Variants in NPHP1 observed in about 807,000 individuals in gnomAD.
NPHP1 encodes nephrocystin-1.
Under a neutral mutation model 90.4 loss-of-function variants are expected in NPHP1, and 70 were observed. The ratio of observed to expected loss-of-function variants is 0.77; its 90% CI spans 0.64 to 0.95. The LOEUF (loss-of-function observed/expected upper bound fraction) is 0.95, where lower values mean the gene tolerates loss of function less well. Among genes scored for constraint, NPHP1 ranks in the 40% least tolerant of loss-of-function variants. The pLI is 0.00. For synonymous variants in NPHP1, 256 were observed against 271.7 expected (o/e 0.94, Z 0.57); for missense variants, 764 against 795.9 (o/e 0.96, Z 0.48).
rs572000103 is a variant in NPHP1 at position 110,197,517 on chromosome 2, G to A, written c.143+3904C>T. On this transcript the variant is annotated intron_variant, in intron 2 of 19. Coordinates refer to ENST00000445609, the MANE Select transcript of NPHP1 (RefSeq NM_001128178.3). ...CAGGGTGAGCAGGGGGCCCACGGCT[G>A]CCAGTGTAACATAAAACACGTATAT... Among the ~76,000 whole-genome samples the A allele has an allele frequency of 2.0e-5, 3 of 152,140 alleles. No homozygotes were observed. In the East Asian group the frequency reaches 5.8e-4, roughly 29 times the overall value.
intron 4 of NPHP1, among the ~76,000 whole-genome samples, chr2:110,173,645 C>A (rs1574148096): frequency 6.6e-6 from 1 of 152,144 alleles, no homozygotes; most frequent in Non-Finnish European, 1.5e-5. Flanking sequence ...AGGTTTGTAG[C>A]CTAGGAGCAA....
chr2:110,198,471 G>T (rs1015822630), intron 2 of NPHP1, among the ~76,000 whole-genome samples: 4 of 152,166 alleles, frequency 2.6e-5, no homozygotes, highest in African/African-American at 9.7e-5. Flanking sequence ...TAATGATACT[G>T]ATTACGTTTA....
chr2:110,162,949 CATCTTCTTCAACA>C, intron 9 of NPHP1, 86 bp downstream of exon 9: 1 of 786,588 alleles, frequency 1.3e-6, no homozygotes, highest in Non-Finnish European at 2.2e-6. Context: ...TGAGATTCAA[CATCTTCTTCAACA>C]ATGTGTTTTG....
At chr2:110,159,711 T>G (rs761135939) in intron 11 of NPHP1, among the ~76,000 whole-genome samples, 1 of 152,042 alleles carries the variant, frequency 6.6e-6, no homozygotes, top group Non-Finnish European at 1.5e-5. Context: ...CTTTCAGTTT[T>G]ATTAATGTTT....
chr2:110,154,921 A>G (rs1681777177), intron 11 of NPHP1, among the ~76,000 whole-genome samples: 1 of 152,190 alleles, frequency 6.6e-6, no homozygotes, highest in South Asian at 2.1e-4. Context: ...CATAGGTAAC[A>G]AGGAGCCAAA....
At position 110,178,491 on chromosome 2, in the gene NPHP1, A is replaced by T; in HGVS notation, c.261T>A (p.Thr87=). The change falls in exon 4 of 20, where the codon ACT becomes ACA. Residue 87 remains threonine, a synonymous_variant. Transcript: ENST00000445609. ...NYNQRKEEEH[T]LLDKLTQQLQ... is the part of the protein sequence containing the mutation. ...GTTGTTGGGTAAGCTTGTCCAAAAG[A>T]GTATGCTCCTCTTCTTTTCTCTGAT... 1 of 1,613,840 alleles carries T rather than the reference A, an allele frequency of 6.2e-7. No individual in the cohort carries two copies. The highest frequency in any genetic ancestry group is 8.5e-7 in the Non-Finnish European group (1 of 1,179,792).
chr2:110,160,607 C>T (rs1002202804), intron 10 of NPHP1, among the ~76,000 whole-genome samples: 7 of 152,136 alleles, frequency 4.6e-5, no homozygotes, highest in Admixed American at 1.3e-4. Flanking sequence ...AGAAGGCTAA[C>T]GCAGCATAAA....
chr2:110,166,647 A>G (rs1261309362), intron 6 of NPHP1, among the ~76,000 whole-genome samples: 1 of 152,188 alleles, frequency 6.6e-6, no homozygotes, highest in African/African-American at 2.4e-5. Flanking sequence ...ATAGGATCTT[A>G]ACCAATTATT....
At chr2:110,138,394 A>T (rs1480156899) in intron 16 of NPHP1, among the ~76,000 whole-genome samples, 3 of 152,190 alleles carry the variant, frequency 2.0e-5, no homozygotes, top group Non-Finnish European at 4.4e-5. Flanking sequence ...ACATCTAAAA[A>T]TATAATACAG....
intron 16 of NPHP1, among the ~76,000 whole-genome samples, chr2:110,142,343 T>TA (rs1323951639): frequency 1.3e-5 from 2 of 151,980 alleles, no homozygotes; most frequent in African/African-American, 4.8e-5. Flanking sequence ...TTAATACACT[T>TA]AGACTTTTTT....
chr2:110,184,040 G>A (rs1684101499), intron 2 of NPHP1: 1 of 489,524 alleles, frequency 2.0e-6, no homozygotes, highest in Non-Finnish European at 4.1e-6. Flanking sequence ...CCTTCCCCAG[G>A]AGAGATTCCT....
chr2:110,158,038 C>T (rs377553848), intron 11 of NPHP1, among the ~76,000 whole-genome samples: 1 of 152,034 alleles, frequency 6.6e-6, no homozygotes, highest in East Asian at 1.9e-4. Flanking sequence ...TTCTAATTTC[C>T]CATGAAATTT....
At chr2:110,148,519 T>C (rs1396750) in intron 12 of NPHP1, among the ~76,000 whole-genome samples, 58,708 of 152,040 alleles carry the variant, frequency 0.39, 12,090 homozygotes, top group East Asian at 0.58. Flanking sequence ...AAATAGTTTA[T>C]GCCTTTGCAT....
intron 2 of NPHP1, among the ~76,000 whole-genome samples, chr2:110,197,060 A>G (rs1038358914): frequency 1.3e-5 from 2 of 152,194 alleles, no homozygotes; most frequent in Non-Finnish European, 2.9e-5. Flanking sequence ...GTTCTCACTT[A>G]TAAGTGGGAG....
intron 2 of NPHP1, among the ~76,000 whole-genome samples, chr2:110,195,168 C>A (rs1685064365): frequency 1.3e-5 from 2 of 151,902 alleles, no homozygotes; most frequent in Admixed American, 1.3e-4. Flanking sequence ...GGCAATCAGG[C>A]AGGAGAAGGA....
chr2:110,148,677 G>A (rs1488211315), intron 12 of NPHP1, among the ~76,000 whole-genome samples: 1 of 152,086 alleles, frequency 6.6e-6, no homozygotes, highest in Non-Finnish European at 1.5e-5. Flanking sequence ...GAGGCTAATA[G>A]TACTGTGCCT....
chr2:110,195,002 G>C (rs923942232), intron 2 of NPHP1, among the ~76,000 whole-genome samples: 28 of 152,102 alleles, frequency 1.8e-4, no homozygotes, highest in Admixed American at 1.8e-3. Flanking sequence ...TTGATGGGAC[G>C]TATCTCAAAA....
chr2:110,184,495 T>C (rs995459939), intron 2 of NPHP1: 3 of 1,002,862 alleles, frequency 3.0e-6, no homozygotes, highest in African/African-American at 3.1e-5. Flanking sequence ...GTGCTCAGCC[T>C]TTATGCCACA....
intron 18 of NPHP1, chr2:110,126,606 T>C (rs1679386800): frequency 6.6e-6 from 1 of 152,604 alleles, no homozygotes; most frequent in South Asian, 2.1e-4. Context: ...AGAGGACCCT[T>C]ACAGAACCAG....
Sources: allele counts gnomAD v4.1 joint callset (sites outside exome capture counted in the v4.1 genomes callset), GRCh38; gene constraint gnomAD v4.1.1; transcripts MANE v1.5; gene names NCBI Gene and HGNC (gene_info 2026-07-23, HGNC 2026-07-21).